Variants in GLCE observed in about 807,000 individuals in gnomAD.
The protein encoded by GLCE is D-glucuronyl C5-epimerase.
Under a neutral mutation model 47.9 loss-of-function variants are expected in GLCE, and 19 were observed. That is an observed-to-expected ratio of 0.40 (90% CI 0.28 to 0.58). The LOEUF (loss-of-function observed/expected upper bound fraction) is 0.58. GLCE is among the 20% of genes least tolerant of loss of function. The pLI is 0.48. For missense variants in GLCE, 556 were observed against 743.3 expected, an observed-to-expected ratio of 0.75 and a Z score of 2.93; for synonymous variants, 245 against 263.4, an observed-to-expected ratio of 0.93 and a Z score of 0.68.
At chr15:69,200,739 G>T (rs935033786) in intron 1 of GLCE, among the ~76,000 whole-genome samples, 24 of 152,062 alleles carry the variant, frequency 1.6e-4, no homozygotes, top group African/African-American at 5.6e-4. Flanking sequence ...GTTTTCTATT[G>T]CTACCATCAT....
intron 1 of GLCE, among the ~76,000 whole-genome samples, chr15:69,204,671 C>A (rs2052125496): frequency 6.6e-6 from 1 of 152,130 alleles, no homozygotes; most frequent in Admixed American, 6.5e-5. Flanking sequence ...ATGTGGAATT[C>A]TCTACTGACT....
At chr15:69,257,495 T>C (rs964172453) in intron 3 of GLCE, among the ~76,000 whole-genome samples, 15 of 152,080 alleles carry the variant, frequency 9.9e-5, no homozygotes, top group African/African-American at 3.6e-4. Flanking sequence ...TGCTCCACCA[T>C]GCCCAGCTAA....
At chr15:69,200,325 A>C (rs2052060298) in intron 1 of GLCE, among the ~76,000 whole-genome samples, 2 of 152,176 alleles carry the variant, frequency 1.3e-5, no homozygotes, top group Admixed American at 1.3e-4. Context: ...GTTTCTTTAA[A>C]AGTAAATCAG....
intron 2 of GLCE, among the ~76,000 whole-genome samples, chr15:69,239,423 A>T (rs1426561821): frequency 6.6e-6 from 1 of 152,164 alleles, no homozygotes; most frequent in African/African-American, 2.4e-5. Context: ...ATTTCTAGAT[A>T]TATTTTATAT....
At chr15:69,174,920 A>G (rs2051640659) in intron 1 of GLCE, among the ~76,000 whole-genome samples, 1 of 152,140 alleles carries the variant, frequency 6.6e-6, no homozygotes, top group Admixed American at 6.6e-5. Context: ...ACAGTTTGGT[A>G]ATCTATTAGT....
intron 1 of GLCE, among the ~76,000 whole-genome samples, chr15:69,181,799 T>C (rs1228281507): frequency 1.3e-5 from 2 of 151,982 alleles, no homozygotes; most frequent in Non-Finnish European, 2.9e-5. Flanking sequence ...TCAAAGAGTT[T>C]TTTTGTTTTT....
intron 2 of GLCE, among the ~76,000 whole-genome samples, chr15:69,226,872 G>A (rs1037543695): frequency 1.3e-5 from 2 of 150,532 alleles, no homozygotes; most frequent in African/African-American, 4.9e-5. Context: ...AGCCTCCTGA[G>A]TAGCTGGGAT....
intron 4 of GLCE, among the ~76,000 whole-genome samples, chr15:69,263,209 G>T (rs2053038064): frequency 6.6e-6 from 1 of 152,124 alleles, no homozygotes; most frequent in Admixed American, 6.6e-5. Flanking sequence ...GGAGTTACAT[G>T]GGAGTTATTG....
intron 2 of GLCE, among the ~76,000 whole-genome samples, chr15:69,249,994 G>A (rs992224834): frequency 6.6e-6 from 1 of 152,142 alleles, no homozygotes; most frequent in Non-Finnish European, 1.5e-5. Context: ...GATCTCCAGC[G>A]TTATAAGACC....
intron 2 of GLCE, among the ~76,000 whole-genome samples, chr15:69,231,315 G>C (rs7162044): frequency 0.52 from 76,448 of 147,740 alleles, 23,108 homozygotes; most frequent in Admixed American, 0.66. Context: ...ATGGAGTCTC[G>C]CTCTGTCGCC....
intron 1 of GLCE, among the ~76,000 whole-genome samples, chr15:69,178,702 A>C (rs1353441796): frequency 1.3e-5 from 2 of 152,196 alleles, no homozygotes; most frequent in East Asian, 1.9e-4. Flanking sequence ...TCACTGTTAT[A>C]TACTGTAGGC....
intron 1 of GLCE, among the ~76,000 whole-genome samples, chr15:69,172,824 A>G (rs1192352851): frequency 2.0e-5 from 3 of 152,258 alleles, no homozygotes; most frequent in Non-Finnish European, 4.4e-5. Flanking sequence ...CAGAATCAGC[A>G]TCTTCACTCT....
intron 2 of GLCE, among the ~76,000 whole-genome samples, chr15:69,246,361 C>T (rs2052749954): frequency 6.6e-6 from 1 of 152,038 alleles, no homozygotes; most frequent in African/African-American, 2.4e-5. Context: ...TACCTAGATC[C>T]ATCAGAGGAA....
At chr15:69,261,571 A>G (rs1450497298) in intron 4 of GLCE, among the ~76,000 whole-genome samples, 2 of 152,238 alleles carry the variant, frequency 1.3e-5, no homozygotes, top group African/African-American at 4.8e-5. Context: ...GGTAAGGTCC[A>G]GGTTACTGCA....
At chr15:69,169,449 C>T (rs1462504355) in intron 1 of GLCE, among the ~76,000 whole-genome samples, 4 of 152,082 alleles carry the variant, frequency 2.6e-5, no homozygotes, top group South Asian at 4.1e-4. Flanking sequence ...ATATGCACAA[C>T]GTGCAGGTTT....
intron 1 of GLCE, among the ~76,000 whole-genome samples, chr15:69,208,409 A>G (rs62009460): frequency 0.25 from 37,657 of 151,880 alleles, 5,538 homozygotes; most frequent in South Asian, 0.41. Flanking sequence ...TTTCCTCACT[A>G]TATGTCTTTG....
chr15:69,268,381 G>T lies in GLCE; in HGVS notation c.991G>T (p.Ala331Ser). 1 of 1,614,108 alleles carries T rather than the reference G, an allele frequency of 6.2e-7. No homozygotes were observed. The highest frequency in any genetic ancestry group is 8.5e-7 in the Non-Finnish European group (1 of 1,179,982). ...IHYVSNAQLIAFKERDIYYGI... is the reference protein window; with the variant it reads ...IHYVSNAQLISFKERDIYYGI... ...TTATGTCTCAAATGCTCAGCTAATT[G>T]CTTTTAAAGAAAGAGATATATACTA... The change falls in exon 5 of 5, where the codon GCT (alanine) becomes TCT (serine). Residue 331 changes from alanine to serine, a missense_variant. Ala to Ser is a moderately conservative substitution (Grantham distance 99). Around this residue, in one of 3 missense-constraint regions of GLCE, gnomAD observed 245 missense variants for 368.1 expected, o/e 0.67. Coordinates refer to ENST00000261858, the MANE Select transcript of GLCE (RefSeq NM_015554.3).
chr15:69,215,607 A>G (rs1044942732), intron 2 of GLCE, among the ~76,000 whole-genome samples: 1 of 151,876 alleles, frequency 6.6e-6, no homozygotes, highest in African/African-American at 2.4e-5. Context: ...ACTTGAGTGA[A>G]TACCTAGGAG....
At chr15:69,246,778 G>A (rs753815955) in intron 2 of GLCE, among the ~76,000 whole-genome samples, 1 of 151,456 alleles carries the variant, frequency 6.6e-6, no homozygotes, top group Non-Finnish European at 1.5e-5. Context: ...GCTTCAGAAT[G>A]AATGTTGTGT....
Sources: allele counts gnomAD v4.1 joint callset (sites outside exome capture counted in the v4.1 genomes callset), GRCh38; gene constraint gnomAD v4.1.1; regional missense constraint gnomAD v4.1.1; transcripts MANE v1.5; gene names NCBI Gene and HGNC (gene_info 2026-07-23, HGNC 2026-07-21).